FOXO3: variants seen among roughly 807,000 people sequenced by gnomAD.
FOXO3 encodes the protein forkhead box O3.
Under a neutral mutation model 41.9 loss-of-function variants are expected in FOXO3, and 4 were observed. The observed-to-expected ratio is 0.10, with a 90% CI of 0.05 to 0.22. The LOEUF (loss-of-function observed/expected upper bound fraction) is 0.22. Among genes scored for constraint, FOXO3 ranks in the 10% least tolerant of loss-of-function variants. The probability of loss-of-function intolerance (pLI) is 1.00; values close to 1 mark genes in which losing one functional copy is unlikely to be tolerated. For synonymous variants in FOXO3, 318 were observed against 389.3 expected (o/e 0.82, Z 2.16); for missense variants, 534 against 906.8 (o/e 0.59, Z 5.28).
intron 1 of FOXO3, among the ~76,000 whole-genome samples, chr6:108,592,689 T>G (rs1171194348): frequency 6.6e-6 from 1 of 152,230 alleles, no homozygotes; most frequent in African/African-American, 2.4e-5. Context: ...TGTACCATGC[T>G]TCCTCACACC....
intron 1 of FOXO3, among the ~76,000 whole-genome samples, chr6:108,626,370 G>C (rs1309013990): frequency 6.6e-6 from 1 of 152,182 alleles, no homozygotes; most frequent in Admixed American, 6.5e-5. Context: ...CCCTTTCCTA[G>C]CAAGTGGACG....
intron 1 of FOXO3, chr6:108,618,396 C>T: frequency 4.0e-6 from 2 of 502,014 alleles, no homozygotes; most frequent in Non-Finnish European, 7.3e-6. Context: ...GCAGCAGCAG[C>T]AGATGAAGGA....
At chr6:108,666,805 A>C (rs1029595181) in intron 2 of FOXO3, among the ~76,000 whole-genome samples, 2 of 152,184 alleles carry the variant, frequency 1.3e-5, no homozygotes, top group African/African-American at 4.8e-5. Context: ...TCAAGAAGTA[A>C]GATGAACACT....
At chr6:108,627,843 T>C (rs1777856036) in intron 1 of FOXO3, among the ~76,000 whole-genome samples, 1 of 152,198 alleles carries the variant, frequency 6.6e-6, no homozygotes, top group Non-Finnish European at 1.5e-5. Context: ...TGTGTGACCC[T>C]GGGCAGGTGA....
intron 1 of FOXO3, among the ~76,000 whole-genome samples, chr6:108,596,113 T>G (rs1370403432): frequency 1.3e-5 from 2 of 152,152 alleles, no homozygotes; most frequent in East Asian, 3.9e-4. Flanking sequence ...TGTGCATTAT[T>G]TTACCATGAA....
At chr6:108,674,938 A>G (rs1582841086) in intron 2 of FOXO3, among the ~76,000 whole-genome samples, 2 of 152,334 alleles carry the variant, frequency 1.3e-5, no homozygotes, top group East Asian at 3.9e-4. Flanking sequence ...CGTGGTTTGC[A>G]AATCTGAGAA....
chr6:108,574,557 A>G (rs963222169), intron 1 of FOXO3, among the ~76,000 whole-genome samples: 5 of 152,178 alleles, frequency 3.3e-5, no homozygotes, highest in African/African-American at 1.2e-4. Flanking sequence ...AAAGATATTA[A>G]AATTATTTTG....
intron 1 of FOXO3, among the ~76,000 whole-genome samples, chr6:108,584,944 G>A (rs975190823): frequency 1.4e-5 from 2 of 141,946 alleles, no homozygotes; most frequent in African/African-American, 5.2e-5. Context: ...GAGCTGGCCC[G>A]TTTTGAAATG....
rs371963842 is a variant in FOXO3, at chr6:108,605,443, G to A, written c.621+43614G>A. Among the ~76,000 whole-genome samples the A allele has an allele frequency of 7.9e-5, 12 of 152,088 alleles. 1 individual carries two copies. The East Asian group carries it at 2.3e-3, about 29-fold the overall frequency. ...TACTATTTTTTTTCATTTTATTTTT[G>A]CGATTTTGAAAACTATTAATAATTT... On this transcript the variant is annotated intron_variant, in intron 1 of 2. Transcript: ENST00000406360.
In FOXO3 at chr6:108,621,247, A is replaced by C. The variant is rs568522671; in HGVS notation, c.622-42208A>C. Among the ~76,000 whole-genome samples the C allele has an allele frequency of 2.6e-5, 4 of 152,272 alleles. No homozygotes were observed. In the South Asian group the frequency reaches 6.2e-4, roughly 24 times the overall value. ...TCTGCCTGCAGAGCTAGGAGTGCCC[A>C]CGAGGAACAGCAGTTCATTCAGGCT... On this transcript the variant is annotated intron_variant, in intron 1 of 2. Coordinates refer to ENST00000406360, the MANE Select transcript of FOXO3 (RefSeq NM_001455.4).
At chr6:108,659,660 G>A (rs1307254868) in intron 1 of FOXO3, among the ~76,000 whole-genome samples, 4 of 151,364 alleles carry the variant, frequency 2.6e-5, no homozygotes, top group Non-Finnish European at 5.9e-5. Context: ...GCAATTAGGG[G>A]ACCTGGGTGG....
intron 2 of FOXO3, 36 bp downstream of exon 2, chr6:108,664,925 A>G: frequency 6.6e-7 from 1 of 1,521,022 alleles, no homozygotes; most frequent in Non-Finnish European, 8.9e-7. Context: ...AAATAACAAT[A>G]TGGGGATGAG....
chr6:108,592,501 G>A (rs1249827650), intron 1 of FOXO3, among the ~76,000 whole-genome samples: 2 of 152,106 alleles, frequency 1.3e-5, no homozygotes, highest in Non-Finnish European at 2.9e-5. Flanking sequence ...TCCATGATTT[G>A]AGCAATAGAA....
At position 108,561,636 on chromosome 6, in the gene FOXO3, G is replaced by C. The variant is rs756842922; in HGVS notation, c.428G>C (p.Gly143Ala). 1.3e-6 allele frequency: 2 copies of C among 1,569,408 alleles called. No individual in the cohort carries two copies. The stretch of plus-strand genomic sequence containing the variant: ...CCGCCGCAGCCGGGGGCGGCTGGGG[G>C]CTCCGGGCAGCCGAGGAAATGTTCG... ...LPPPQPGAAG[G>A]SGQPRKCSSR... is the part of the protein sequence containing the mutation. Residue 143 changes from glycine to alanine, a missense_variant, in exon 1 of 3, where the codon GGC (glycine) becomes GCC (alanine). By Grantham distance (60) the Gly-to-Ala change is moderately conservative. Coordinates refer to ENST00000406360, the MANE Select transcript of FOXO3 (RefSeq NM_001455.4).
At position 108,561,384 on chromosome 6, in the gene FOXO3, A is replaced by G; in HGVS notation, c.176A>G (p.Glu59Gly). The G allele has an allele frequency of 1.3e-6, 2 of 1,553,636 alleles. No homozygotes were observed. The highest frequency in any genetic ancestry group is 1.7e-6 in the Non-Finnish European group (2 of 1,151,486). Residue 59 changes from glutamate to glycine, a missense_variant, in exon 1 of 3, where the codon GAG becomes GGG. Glu to Gly is a moderately conservative substitution (Grantham distance 98). This residue lies in a region of FOXO3 where 139 missense variants were observed against 163.7 expected (regional missense o/e 0.85). Coordinates refer to ENST00000406360, the MANE Select transcript of FOXO3 (RefSeq NM_001455.4). ...GETAADSMIP[E>G]EEDDEDDEDG... ...ACGGCCGCCGACTCCATGATCCCCG[A>G]GGAGGAGGACGATGAAGACGACGAG...
chr6:108,626,647 T>G (rs1777821083), intron 1 of FOXO3, among the ~76,000 whole-genome samples: 1 of 151,890 alleles, frequency 6.6e-6, no homozygotes, highest in Non-Finnish European at 1.5e-5. Context: ...CCCATACCCA[T>G]TCTGCATATT....
At chr6:108,560,898 C>T (rs1158194492), upstream of FOXO3, 8 of 1,143,578 alleles carry the variant, frequency 7.0e-6, no homozygotes, top group Non-Finnish European at 9.0e-6. Context: ...GCGGCTCCAT[C>T]GCGGCCTGGC....
At chr6:108,609,497 A>G (rs1240736386) in intron 1 of FOXO3, among the ~76,000 whole-genome samples, 1 of 152,214 alleles carries the variant, frequency 6.6e-6, no homozygotes, top group Non-Finnish European at 1.5e-5. Context: ...CTTTAAAATC[A>G]GCCAAAATAC....
chr6:108,606,245 C>G (rs1777197357), intron 1 of FOXO3, among the ~76,000 whole-genome samples: 1 of 152,200 alleles, frequency 6.6e-6, no homozygotes, highest in African/African-American at 2.4e-5. Context: ...CTGCTCTTGC[C>G]TAGAAATCCA....
Sources: allele counts gnomAD v4.1 joint callset (sites outside exome capture counted in the v4.1 genomes callset), GRCh38; gene constraint gnomAD v4.1.1; regional missense constraint gnomAD v4.1.1; transcripts MANE v1.5; gene names NCBI Gene and HGNC (gene_info 2026-07-23, HGNC 2026-07-21).